The following GRID2 variants were observed in gnomAD, a reference collection of about 807,000 sequenced individuals.
GRID2 encodes the protein glutamate receptor ionotropic, delta-2.
GRID2 carries 33 observed loss-of-function variants against 114.8 expected under a neutral mutation model. That is an observed-to-expected ratio of 0.29 (90% confidence interval 0.22 to 0.38). The LOEUF is 0.38. GRID2 is among the 10% of genes least tolerant of loss of function. The pLI, the probability that GRID2 is intolerant of heterozygous loss-of-function variation, is 1.00. For synonymous variants in GRID2, 505 were observed against 449.9 expected, an observed-to-expected ratio of 1.12 and a Z score of -1.55; for missense variants, 1,184 against 1,257.7, an observed-to-expected ratio of 0.94 and a Z score of 0.89.
intron 1 of GRID2, among the ~76,000 whole-genome samples, chr4:92,575,961 C>T (rs189249651): frequency 3.9e-5 from 6 of 152,178 alleles, no homozygotes; most frequent in Non-Finnish European, 8.8e-5. Context: ...CTTAAAGAAG[C>T]AGTCTGGATA....
At chr4:93,261,336 T>A (rs577196958) in intron 8 of GRID2, among the ~76,000 whole-genome samples, 33 of 151,990 alleles carry the variant, frequency 2.2e-4, no homozygotes, top group African/African-American at 7.9e-4. Context: ...ACATACAATG[T>A]GATCCTTGCA....
intron 8 of GRID2, among the ~76,000 whole-genome samples, chr4:93,316,519 T>C (rs1476533849): frequency 6.6e-6 from 1 of 151,932 alleles, no homozygotes; most frequent in African/African-American, 2.4e-5. Flanking sequence ...AAACAGGAGG[T>C]TCATTTTACC....
At chr4:93,250,925 C>T (rs190194931) in intron 8 of GRID2, among the ~76,000 whole-genome samples, 1 of 151,632 alleles carries the variant, frequency 6.6e-6, no homozygotes, top group African/African-American at 2.4e-5. Flanking sequence ...TTGTTATAGT[C>T]CTGGTTTTTG....
intron 4 of GRID2, among the ~76,000 whole-genome samples, chr4:93,156,333 G>C (rs1465220222): frequency 2.0e-5 from 3 of 151,796 alleles, no homozygotes; most frequent in Non-Finnish European, 4.4e-5. Flanking sequence ...ATTAGTAAAA[G>C]ATTTTGTTAG....
chr4:93,502,756 C>CAT (rs5860334), intron 12 of GRID2, among the ~76,000 whole-genome samples: 38 of 149,410 alleles, frequency 2.5e-4, no homozygotes, highest in Non-Finnish European at 4.8e-4. Flanking sequence ...CACACACACA[C>CAT]GTACTACAGC....
chr4:92,538,232 A>G (rs1450933058), intron 1 of GRID2, among the ~76,000 whole-genome samples: 1 of 152,174 alleles, frequency 6.6e-6, no homozygotes, highest in Non-Finnish European at 1.5e-5. Context: ...CCAAGCCTGT[A>G]GGACTTTATA....
chr4:93,499,794 C>G (rs1379949388), intron 12 of GRID2, among the ~76,000 whole-genome samples: 1 of 151,854 alleles, frequency 6.6e-6, no homozygotes, highest in East Asian at 1.9e-4. Flanking sequence ...AGCTAGTTTT[C>G]TAAATACTTT....
At chr4:93,514,224 TAG>T (rs1035878991) in intron 12 of GRID2, among the ~76,000 whole-genome samples, 3 of 152,088 alleles carry the variant, frequency 2.0e-5, no homozygotes, top group Admixed American at 6.6e-5. Context: ...CTGCAAAATA[TAG>T]AGAGACTCAG....
intron 2 of GRID2, among the ~76,000 whole-genome samples, chr4:93,002,137 T>A (rs924454778): frequency 6.6e-6 from 1 of 151,734 alleles, no homozygotes; most frequent in African/African-American, 2.4e-5. Context: ...ATTCACATAG[T>A]ATGGAAGAGT....
intron 2 of GRID2, among the ~76,000 whole-genome samples, chr4:92,951,218 T>A (rs184709285): frequency 3.7e-4 from 56 of 152,250 alleles, no homozygotes; most frequent in African/African-American, 1.3e-3. Flanking sequence ...TCATCCATTT[T>A]AAATGAGCCT....
chr4:92,905,210 G>C (rs549560059), intron 2 of GRID2, among the ~76,000 whole-genome samples: 5 of 151,888 alleles, frequency 3.3e-5, no homozygotes, highest in Non-Finnish European at 7.4e-5. Context: ...CTGAAAGTTA[G>C]TGCCACTCTA....
chr4:92,362,361 A>G lies in GRID2; in HGVS notation c.88+57617A>G, dbSNP rs1218805833. On this transcript the variant is annotated intron_variant, in intron 1 of 15. Transcript: ENST00000282020. ...AAGTATGATTTTTTTTGCCAAAAAC[A>G]AAGTAGATTGCAAAATAATGAAACA... Among the ~76,000 whole-genome samples, 7 of 152,162 alleles carry G rather than the reference A, an allele frequency of 4.6e-5. No individual in the cohort carries two copies. In the East Asian group the frequency reaches 1.2e-3, roughly 25 times the overall value.
At chr4:92,801,195 G>A (rs76925680) in intron 2 of GRID2, among the ~76,000 whole-genome samples, 3,772 of 151,956 alleles carry the variant, frequency 0.025, 102 homozygotes, top group East Asian at 0.12. Context: ...AACACACTAC[G>A]GGCTCTTCCA....
At chr4:93,039,800 G>A (rs947513491) in intron 2 of GRID2, among the ~76,000 whole-genome samples, 1 of 152,110 alleles carries the variant, frequency 6.6e-6, no homozygotes, top group African/African-American at 2.4e-5. Context: ...ATCTGTACAT[G>A]GGTTAATAAC....
intron 2 of GRID2, among the ~76,000 whole-genome samples, chr4:92,823,233 A>G (rs1741419993): frequency 1.3e-5 from 2 of 152,130 alleles, no homozygotes; most frequent in African/African-American, 2.4e-5. Context: ...GCCAATTGGT[A>G]CAAGGATTAA....
chr4:92,577,888 A>T (rs1392710400), intron 1 of GRID2, among the ~76,000 whole-genome samples: 1 of 152,050 alleles, frequency 6.6e-6, no homozygotes, highest in Non-Finnish European at 1.5e-5. Context: ...AGAGATATAC[A>T]TTTTGGGCGG....
At chr4:93,197,482 A>G (rs1337458265) in intron 4 of GRID2, among the ~76,000 whole-genome samples, 2 of 152,206 alleles carry the variant, frequency 1.3e-5, no homozygotes, top group Non-Finnish European at 2.9e-5. Context: ...AGTGTCATAC[A>G]TAGTAAGCAC....
chr4:92,628,632 A>C (rs1730641867), intron 2 of GRID2, among the ~76,000 whole-genome samples: 1 of 152,180 alleles, frequency 6.6e-6, no homozygotes, highest in Admixed American at 6.5e-5. Context: ...TGCTAGGATT[A>C]CAGGCGTGAG....
chr4:93,756,749 C>T (rs1004823380), intron 14 of GRID2, among the ~76,000 whole-genome samples: 10 of 152,176 alleles, frequency 6.6e-5, no homozygotes, highest in Admixed American at 2.6e-4. Flanking sequence ...TCCATAATAA[C>T]ATGAGATTGA....
Sources: gnomAD v4.1 joint callset for allele counts (sites outside exome capture counted in the v4.1 genomes callset) on GRCh38, gnomAD v4.1.1 for gene constraint, MANE v1.5 for transcripts, NCBI Gene and HGNC (gene_info 2026-07-23, HGNC 2026-07-21) for gene names.